LHCGR: variants seen among roughly 807,000 people sequenced by gnomAD.
LHCGR encodes the protein luteinizing hormone/choriogonadotropin receptor, also known as lutropin-choriogonadotropic hormone receptor.
Under a neutral mutation model 60.7 loss-of-function variants are expected in LHCGR, and 55 were observed. The ratio of observed to expected loss-of-function variants is 0.91; its 90% CI spans 0.73 to 1.13. The LOEUF (loss-of-function observed/expected upper bound fraction) is 1.13. Among genes scored for constraint, LHCGR ranks in the 50% most tolerant of loss-of-function variants. The pLI, the probability that LHCGR is intolerant of heterozygous loss-of-function variation, is 0.00. For synonymous variants in LHCGR, 337 were observed against 316.5 expected (o/e 1.06, Z -0.69); for missense variants, 862 against 836.0 (o/e 1.03, Z -0.38).
At chr2:48,725,371 A>G (rs754292920) in intron 4 of LHCGR, among the ~76,000 whole-genome samples, 2 of 152,130 alleles carry the variant, frequency 1.3e-5, no homozygotes, top group Non-Finnish European at 2.9e-5. Context: ...TACCCTTTTT[A>G]AAGTGTTATG....
At chr2:48,701,740 C>G (rs1667422186) in intron 8 of LHCGR, among the ~76,000 whole-genome samples, 1 of 152,200 alleles carries the variant, frequency 6.6e-6, no homozygotes, top group African/African-American at 2.4e-5. Context: ...GTGTTTGTCT[C>G]TTCTTATTCT....
At chr2:48,698,912 G>A in intron 8 of LHCGR, 112 bp from the exon 9 acceptor site, 1 of 824,700 alleles carries the variant, frequency 1.2e-6, no homozygotes, top group Non-Finnish European at 1.9e-6. Context: ...CACGACCTCG[G>A]CTCACTGCAA....
Position 48,708,959 on chromosome 2 carries a change from C to G in LHCGR, c.669G>C (p.Gly223=), listed in dbSNP as rs1667841868. ...ACCATTCTACTCACAAGGTTTTCGGCCCTGTGGCCCCACGGAAGGCTCCAT... is the reference window on the plus strand; with the variant it reads ...ACCATTCTACTCACAAGGTTTTCGGGCCTGTGGCCCCACGGAAGGCTCCAT... ...MHNGAFRGAT[G]PKTLDISSTK... is the part of the protein sequence containing the mutation. Residue 223 remains glycine, a synonymous_variant, in exon 8 of 11, where the codon GGG becomes GGC. Coordinates refer to ENST00000294954, the MANE Select transcript of LHCGR (RefSeq NM_000233.4). 3 of 1,614,046 alleles carry G rather than the reference C, an allele frequency of 1.9e-6. No individual in the cohort carries two copies. The highest frequency in any genetic ancestry group is 4.5e-5 in the East Asian group (2 of 44,876).
chr2:48,694,367 G>A, intron 9 of LHCGR, 63 bp from the exon 10 acceptor site: 1 of 973,328 alleles, frequency 1.0e-6, no homozygotes, highest in Non-Finnish European at 1.6e-6. Flanking sequence ...ACCTGACTGT[G>A]CGTCTATTTA....
Position 48,714,006 on chromosome 2 carries a change from A to AT in LHCGR, c.584dup (p.Asn195LysfsTer89). Reference sequence around the variant, plus strand: ...CTTACAGTGAAGTCAGTGTCGTCCCATTGAATGCATGACTTTGTACTTCTT... The same window carrying AT: ...CTTACAGTGAAGTCAGTGTCGTCCCATTTGAATGCATGACTTTGTACTTCTT... On this transcript the variant is annotated frameshift_variant, in exon 7 of 11. Transcript: ENST00000294954. LOFTEE classifies it high-confidence loss of function. 6.2e-7 allele frequency: 1 copy of AT among 1,612,272 alleles called. No individual in the cohort carries two copies. Among genetic ancestry groups the AT allele is most frequent in the Non-Finnish European group, 8.5e-7 (1 of 1,178,380 alleles).
Position 48,708,692 on chromosome 2 carries a change from G to A in LHCGR, c.680+256C>T, listed in dbSNP as rs147835409. On this transcript the variant is annotated intron_variant, in intron 8 of 10. Coordinates refer to ENST00000294954, the MANE Select transcript of LHCGR (RefSeq NM_000233.4). ...GCTTTCTTCACAGCCCTCAGAGGGA[G>A]CCAACCCCTGCTGACACCTTGATTT... The A allele has an allele frequency of 5.2e-6, 3 of 578,990 alleles. No homozygotes were observed. The East Asian group carries it at 8.8e-5, about 17-fold the overall frequency. The allele number at this position is 578,990 out of a possible 1,614,324, so 35.9% of individuals were successfully genotyped here. A position where few individuals can be genotyped will look rare whatever the true frequency, so the allele number is the denominator to read the frequency against.
chr2:48,723,607 C>A lies in LHCGR; in HGVS notation c.458+15G>T. 6.2e-7 allele frequency: 1 copy of A among 1,610,504 alleles called. No individual in the cohort carries two copies. The highest frequency in any genetic ancestry group is 1.1e-5 in the South Asian group (1 of 91,016). Reference sequence around the variant, plus strand: ...ATAGGAAACTGTTATGCATAGCAATCAGCCTGGTACTTACAGAATGAAATT... The same window carrying A: ...ATAGGAAACTGTTATGCATAGCAATAAGCCTGGTACTTACAGAATGAAATT... On this transcript the variant is annotated intron_variant, in intron 5 of 10. Coordinates refer to ENST00000294954, the MANE Select transcript of LHCGR (RefSeq NM_000233.4).
In LHCGR at chr2:48,694,249, C is replaced by T; in HGVS notation, c.922G>A (p.Val308Ile). 6.3e-7 allele frequency: 1 copy of T among 1,593,746 alleles called. No homozygotes were observed. Among genetic ancestry groups the T allele is most frequent in the Non-Finnish European group, 8.6e-7 (1 of 1,163,806 alleles). ...AGTGTTTTGTTATTCACTTTCCTTA[C>T]TGTGCTTTCACATTGTTTGGAAAAG... ...ENFSKQCESTVRKVNNKTLYS... is the reference protein window; with the variant it reads ...ENFSKQCESTIRKVNNKTLYS... Residue 308 changes from valine to isoleucine, a missense_variant, in exon 10 of 11, where the codon GTA (valine) becomes ATA (isoleucine). Transcript: ENST00000294954.
chr2:48,695,621 A>G (rs1383660356), intron 9 of LHCGR, among the ~76,000 whole-genome samples: 1 of 152,208 alleles, frequency 6.6e-6, no homozygotes, highest in Non-Finnish European at 1.5e-5. Context: ...TTGCTATGCT[A>G]TTCACAAAAA....
At chr2:48,703,988 A>T (rs1446899863) in intron 8 of LHCGR, among the ~76,000 whole-genome samples, 1 of 152,136 alleles carries the variant, frequency 6.6e-6, no homozygotes, top group East Asian at 1.9e-4. Context: ...GAATGCTTCC[A>T]GTTTTTGCCC....
chr2:48,689,470 C>T (rs901694833), intron 10 of LHCGR, among the ~76,000 whole-genome samples: 7 of 152,094 alleles, frequency 4.6e-5, no homozygotes, highest in Admixed American at 1.3e-4. Flanking sequence ...GCACTTAAGT[C>T]CCTAGCTAAT....
intron 2 of LHCGR, among the ~76,000 whole-genome samples, chr2:48,729,583 C>T (rs1668898101): frequency 6.6e-6 from 1 of 152,130 alleles, no homozygotes; most frequent in African/African-American, 2.4e-5. Context: ...GAAATTAAGG[C>T]CCTGAGAGGA....
chr2:48,755,380 A>G (rs1047919281), intron 1 of LHCGR, 131 bp downstream of exon 1: 5 of 648,016 alleles, frequency 7.7e-6, no homozygotes, highest in Non-Finnish European at 1.3e-5. Flanking sequence ...CGTGGGGGAA[A>G]TTTGATAGGG....
intron 6 of LHCGR, among the ~76,000 whole-genome samples, chr2:48,715,042 C>T (rs1668181945): frequency 6.6e-6 from 1 of 152,110 alleles, no homozygotes. Context: ...GGCTACCCAT[C>T]CTCTTCCTGC....
At chr2:48,716,899 GCAGACT>G (rs966500222) in intron 6 of LHCGR, among the ~76,000 whole-genome samples, 3 of 152,184 alleles carry the variant, frequency 2.0e-5, no homozygotes, top group Admixed American at 6.5e-5. Context: ...TGTCAAAAAT[GCAGACT>G]CAGACCTATT....
At chr2:48,691,448 T>C (rs1191283113) in intron 10 of LHCGR, among the ~76,000 whole-genome samples, 4 of 152,234 alleles carry the variant, frequency 2.6e-5, no homozygotes, top group African/African-American at 4.8e-5. Flanking sequence ...TTGTTTGTCC[T>C]CTTCTCACAG....
rs113214030 is a variant in LHCGR at position 48,702,443 on chromosome 2, G to A, written c.681-3643C>T. Among the ~76,000 whole-genome samples the A allele has an allele frequency of 5.8e-3, 878 of 151,952 alleles. 5 individuals are homozygous for A. Among genetic ancestry groups the A allele is most frequent in the African/African-American group, 0.021 (853 of 41,344 alleles). Reference sequence around the variant, plus strand: ...CCCACCCGCCGACAGGCCCTGGTGTGTGATGTTCCCCCTCCGTGTCGATGT... The same window carrying A: ...CCCACCCGCCGACAGGCCCTGGTGTATGATGTTCCCCCTCCGTGTCGATGT... On this transcript the variant is annotated intron_variant, in intron 8 of 10. Transcript: ENST00000294954.
chr2:48,688,690 A>T lies in LHCGR; in HGVS notation c.1107T>A (p.Ile369=). ...YDFLRVLIWL[I]NILAIMGNMT... ...TGTTTCCCATGATGGCTAGAATATT[A>T]ATCAGCCAAATCAGGACCCTAAGGA... The change falls in exon 11 of 11, where the codon ATT becomes ATA. Residue 369 remains isoleucine (I), a synonymous_variant. Coordinates refer to ENST00000294954, the MANE Select transcript of LHCGR (RefSeq NM_000233.4). This position sits in a 1 kb window ranked among gnomAD's most constrained non-coding sequence, Gnocchi z 5.2. The T allele has an allele frequency of 1.2e-6, 2 of 1,614,156 alleles. No individual in the cohort carries two copies. Among genetic ancestry groups the T allele is most frequent in the South Asian group, 2.2e-5 (2 of 91,080 alleles).
rs771318587 is a variant in LHCGR at position 48,688,044 on chromosome 2, T to C, written c.1753A>G (p.Ile585Val). The change falls in exon 11 of 11, where the codon ATC becomes GTC. Residue 585 changes from isoleucine (I) to valine (V), a missense_variant. Physicochemically the swap from Ile to Val is conservative, Grantham distance 29 (BLOSUM62 3). Coordinates refer to ENST00000294954, the MANE Select transcript of LHCGR (RefSeq NM_000233.4). The surrounding 1 kb of genome is among the most constrained non-coding windows in gnomAD (Gnocchi z 5.2). ...GCAGCTGAGATGGCAAAAAAAGAGA[T>C]AGGTGCCATGCAGGTGAAATCGGTG... The part of the protein sequence containing the change: ...IFTDFTCMAP[I>V]SFFAISAAFK... 1 of 1,613,978 alleles carries C rather than the reference T, an allele frequency of 6.2e-7. No homozygotes were observed. Among genetic ancestry groups the C allele is most frequent in the African/African-American group, 1.3e-5 (1 of 74,920 alleles).
Sources: allele counts gnomAD v4.1 joint callset (sites outside exome capture counted in the v4.1 genomes callset), GRCh38; gene constraint gnomAD v4.1.1; non-coding constraint Gnocchi (gnomAD v3.1); transcripts MANE v1.5; gene names NCBI Gene and HGNC (gene_info 2026-07-23, HGNC 2026-07-21).